Variants in TBC1D8 observed in about 807,000 individuals in gnomAD.
TBC1D8 encodes the protein TBC1 domain family member 8, also known as BUB2-like protein 1.
TBC1D8 carries 65 observed loss-of-function variants against 118.8 expected under a neutral mutation model. The observed-to-expected ratio is 0.55, with a 90% CI of 0.45 to 0.67. TBC1D8 has a LOEUF of 0.67. TBC1D8 is among the 30% of genes least tolerant of loss of function. TBC1D8 has a pLI of 0.00. For synonymous variants in TBC1D8, 566 were observed against 595.8 expected, an observed-to-expected ratio of 0.95 and a Z score of 0.73; for missense variants, 1,376 against 1,471.2, an observed-to-expected ratio of 0.94 and a Z score of 1.06.
intron 15 of TBC1D8, among the ~76,000 whole-genome samples, chr2:101,025,761 G>A (rs1056820133): frequency 6.6e-6 from 1 of 152,192 alleles, no homozygotes; most frequent in Admixed American, 6.5e-5. Flanking sequence ...CAGTAGGAAC[G>A]CGTTTGTGGA....
At chr2:101,107,036 T>C (rs898802198) in intron 1 of TBC1D8, among the ~76,000 whole-genome samples, 4 of 152,198 alleles carry the variant, frequency 2.6e-5, no homozygotes, top group Non-Finnish European at 1.5e-5. Flanking sequence ...GATGAGTTTA[T>C]TGGGATGTAA....
chr2:101,041,922 G>A (rs753106975), intron 5 of TBC1D8, among the ~76,000 whole-genome samples: 92 of 151,826 alleles, frequency 6.1e-4, no homozygotes, highest in Admixed American at 1.9e-3. Context: ...CTACTCCACC[G>A]GCTGAGATAA....
At chr2:101,053,514 G>A (rs1378640575) in intron 4 of TBC1D8, among the ~76,000 whole-genome samples, 1 of 152,202 alleles carries the variant, frequency 6.6e-6, no homozygotes, top group African/African-American at 2.4e-5. Flanking sequence ...AACAATATTT[G>A]GTTCTGGAAG....
At chr2:101,086,502 C>G (rs1381459572) in intron 2 of TBC1D8, among the ~76,000 whole-genome samples, 2 of 150,900 alleles carry the variant, frequency 1.3e-5, no homozygotes, top group Non-Finnish European at 2.9e-5. Context: ...AGATGCTAAT[C>G]AAGTTACTAA....
intron 1 of TBC1D8, among the ~76,000 whole-genome samples, chr2:101,097,889 C>T (rs1268395478): frequency 6.6e-6 from 1 of 152,056 alleles, no homozygotes; most frequent in Admixed American, 6.6e-5. Flanking sequence ...TAAATAAAGC[C>T]TGCATTCAAT....
chr2:101,020,851 A>G lies in TBC1D8; in HGVS notation c.2827+830T>C, dbSNP rs984348560. On this transcript the variant is annotated intron_variant, in intron 17 of 19. Coordinates refer to ENST00000409318, the MANE Select transcript of TBC1D8 (RefSeq NM_001330348.2). Reference sequence around the variant, plus strand: ...TGTCCAGTATCTGCACAAGGTCTACACTACCTGCCTGTTAGTCCCTCATTA... The same window carrying G: ...TGTCCAGTATCTGCACAAGGTCTACGCTACCTGCCTGTTAGTCCCTCATTA... 3.3e-5 allele frequency among the ~76,000 whole-genome samples: 5 copies of G among 152,168 alleles called. No individual in the cohort carries two copies. The South Asian group carries it at 6.2e-4, about 19-fold the overall frequency.
chr2:101,009,389 G>A (rs1679007106), intron 19 of TBC1D8, among the ~76,000 whole-genome samples: 1 of 146,386 alleles, frequency 6.8e-6, no homozygotes, highest in Non-Finnish European at 1.5e-5. Flanking sequence ...CTGGGCGACA[G>A]AGTGAGACTC....
chr2:101,135,039 G>A (rs1678785034), intron 1 of TBC1D8, among the ~76,000 whole-genome samples: 1 of 152,150 alleles, frequency 6.6e-6, no homozygotes, highest in African/African-American at 2.4e-5. Context: ...GGGTGTGGTG[G>A]CGGGCGCCTG....
rs771666392 is a variant in TBC1D8 at position 101,019,056 on chromosome 2, G to A, written c.2827+2625C>T. On this transcript the variant is annotated intron_variant, in intron 17 of 19. Coordinates refer to ENST00000409318, the MANE Select transcript of TBC1D8 (RefSeq NM_001330348.2). ...GCCCATAAAGGGAGCCCTCCTGGAAGTGGATGAGGCCTTGGGTCTCGGCTC... is the reference window on the plus strand; with the variant it reads ...GCCCATAAAGGGAGCCCTCCTGGAAATGGATGAGGCCTTGGGTCTCGGCTC... The A allele has an allele frequency of 3.7e-6, 6 of 1,608,914 alleles. No homozygotes were observed. In the East Asian group the frequency reaches 1.3e-4, roughly 36 times the overall value.
chr2:101,111,322 G>A lies in TBC1D8; in HGVS notation c.128-20958C>T, dbSNP rs558974000. 1.4e-4 allele frequency among the ~76,000 whole-genome samples: 22 copies of A among 152,310 alleles called. No homozygotes were observed. The East Asian group carries it at 3.7e-3, about 25-fold the overall frequency. On this transcript the variant is annotated intron_variant, in intron 1 of 19. Coordinates refer to ENST00000409318, the MANE Select transcript of TBC1D8 (RefSeq NM_001330348.2). Reference sequence around the variant, plus strand: ...AGAGCAGCGGACAAAGCTGCAGGGCGACCATATCACGCAGGATGCTCCGGC... The same window carrying A: ...AGAGCAGCGGACAAAGCTGCAGGGCAACCATATCACGCAGGATGCTCCGGC...
chr2:101,010,282 T>C (rs1050183878), intron 19 of TBC1D8, among the ~76,000 whole-genome samples: 4 of 152,176 alleles, frequency 2.6e-5, no homozygotes, highest in African/African-American at 9.7e-5. Flanking sequence ...CAGCCAGTGA[T>C]TTCCCAGGAA....
intron 1 of TBC1D8, among the ~76,000 whole-genome samples, chr2:101,114,718 G>T (rs1396313434): frequency 6.6e-6 from 1 of 152,202 alleles, no homozygotes; most frequent in Non-Finnish European, 1.5e-5. Context: ...TCTGGTTTTA[G>T]AAAGAAGCAC....
At chr2:101,052,453 T>C (rs554140451) in intron 4 of TBC1D8, among the ~76,000 whole-genome samples, 2 of 151,150 alleles carry the variant, frequency 1.3e-5, no homozygotes, top group East Asian at 1.9e-4. Context: ...TCACCACATA[T>C]TAGGAATCAT....
rs371206173 is a variant in TBC1D8 at position 101,066,853 on chromosome 2, G to A, written c.284-7314C>T. ...TCAGCTACTCGAGAGGCTGAGGCAG[G>A]AGAATTTCTTGAATTCAGGAGGCAG... On this transcript the variant is annotated intron_variant, in intron 2 of 19. Transcript: ENST00000409318. Among the ~76,000 whole-genome samples the A allele has an allele frequency of 1.7e-4, 25 of 150,310 alleles. No individual in the cohort carries two copies. In the East Asian group the frequency reaches 2.4e-3, roughly 14 times the overall value.
At chr2:101,150,913 G>C (rs1411926304) in intron 1 of TBC1D8, among the ~76,000 whole-genome samples, 2 of 152,108 alleles carry the variant, frequency 1.3e-5, no homozygotes, top group African/African-American at 2.4e-5. Context: ...CCCGGAAAAC[G>C]CACGCGCCCG....
Position 101,010,984 on chromosome 2 carries a change from T to G in TBC1D8, c.2960A>C (p.Lys987Thr). Residue 987 changes from lysine (K) to threonine (T), a missense_variant, in exon 19 of 20, where the codon AAG becomes ACG. Physicochemically the swap from Lys to Thr is moderately conservative, Grantham distance 78 (BLOSUM62 -1). Transcript: ENST00000409318. Reference protein sequence around the residue: ...DYQKQLKQMIKDLAKEKDKTE... With the variant: ...DYQKQLKQMITDLAKEKDKTE... ...TTTATCTTTTTCTTTGGCTAAATCC[T>G]TAATCATCTGCTTCAGCTGTTTCTG... 1 of 1,613,142 alleles carries G rather than the reference T, an allele frequency of 6.2e-7. No homozygotes were observed. The highest frequency in any genetic ancestry group is 8.5e-7 in the Non-Finnish European group (1 of 1,179,896).
chr2:101,039,508 C>G (rs773411829), intron 6 of TBC1D8, among the ~76,000 whole-genome samples: 1 of 152,036 alleles, frequency 6.6e-6, no homozygotes, highest in Non-Finnish European at 1.5e-5. Flanking sequence ...ATGCTCAGTA[C>G]GTTTGTTATC....
At chr2:101,109,697 G>T (rs936892594) in intron 1 of TBC1D8, 1 of 673,034 alleles carries the variant, frequency 1.5e-6, no homozygotes, top group Non-Finnish European at 1.8e-6. Context: ...GGATGAAGCA[G>T]CTGAGGCCCT....
At chr2:101,122,945 G>A (rs930322387) in intron 1 of TBC1D8, among the ~76,000 whole-genome samples, 1 of 152,234 alleles carries the variant, frequency 6.6e-6, no homozygotes, top group African/African-American at 2.4e-5. Context: ...ATCAGGCCCC[G>A]CATGTGGTAC....
Sources: gnomAD v4.1 joint callset for allele counts (sites outside exome capture counted in the v4.1 genomes callset) on GRCh38, gnomAD v4.1.1 for gene constraint, MANE v1.5 for transcripts, NCBI Gene and HGNC (gene_info 2026-07-23, HGNC 2026-07-21) for gene names.